MXRA8: variants seen among roughly 807,000 people sequenced by gnomAD.
MXRA8 encodes matrix remodeling associated 8.
In MXRA8, 44 loss-of-function variants were observed where a neutral mutation model predicts 51.4. That is an observed-to-expected ratio of 0.86 (90% confidence interval 0.67 to 1.10). The LOEUF (loss-of-function observed/expected upper bound fraction) is 1.10. MXRA8 is among the 50% of genes least tolerant of loss of function. MXRA8 has a pLI of 0.00. For missense variants in MXRA8, 765 were observed against 638.9 expected (o/e 1.20, Z -2.13); for synonymous variants, 369 against 293.5 (o/e 1.26, Z -2.63).
intron 5 of MXRA8, 79 bp downstream of exon 5, chr1:1,354,603 G>A (rs1644079450): frequency 6.4e-7 from 1 of 1,553,616 alleles, no homozygotes; most frequent in Non-Finnish European, 8.7e-7. Context: ...GCGGGCCTCG[G>A]GCAAGGGACA....
intron 3 of MXRA8, 29 bp downstream of exon 3, chr1:1,355,421 C>T: frequency 6.7e-7 from 1 of 1,485,040 alleles, no homozygotes; most frequent in Non-Finnish European, 8.9e-7. Context: ...CTGCCCCGAC[C>T]CCGCGGCCCC....
chr1:1,362,582 C>T (rs1440400820), upstream of MXRA8, among the ~76,000 whole-genome samples: 1 of 151,838 alleles, frequency 6.6e-6, no homozygotes, highest in Non-Finnish European at 1.5e-5. Flanking sequence ...GAGTTCAAGA[C>T]CATCCTGGCC....
At chr1:1,359,552 G>C (rs971216762), upstream of MXRA8, 1 of 985,328 alleles carries the variant, frequency 1.0e-6, no homozygotes, top group African/African-American at 1.7e-5. Context: ...GGCCCCAGCT[G>C]GGTGGGGGGC....
chr1:1,354,127 G>A (rs1261939148), intron 7 of MXRA8, 21 bp from the exon 8 acceptor site: 1 of 1,612,778 alleles, frequency 6.2e-7, no homozygotes, highest in African/African-American at 1.3e-5. Flanking sequence ...AGGGTGGGAG[G>A]AGGTTACAGC....
chr1:1,354,752 T>C lies in MXRA8; in HGVS notation c.879A>G (p.Glu293=). ...ERRVFHLTVA[E]PHAEPPPRGS... is the part of the protein sequence containing the mutation. ...CCCGGGGGGGCGGCTCCGCGTGGGG[T>C]TCGGCGACCGTCAGGTGGAAGACGC... Residue 293 remains glutamate (E), a synonymous_variant, in exon 5 of 10, where the codon GAA becomes GAG. Transcript: ENST00000309212. 3 of 1,610,426 alleles carry C rather than the reference T, an allele frequency of 1.9e-6. No individual in the cohort carries two copies. In the African/African-American group the frequency reaches 4.0e-5, roughly 21 times the overall value.
upstream of MXRA8, chr1:1,359,613 C>T (rs965289830): frequency 1.0e-6 from 1 of 978,278 alleles, no homozygotes; most frequent in Admixed American, 6.2e-5. Flanking sequence ...GTGGGAAGCC[C>T]AGTGCAGATC....
In MXRA8 at chr1:1,353,663, G is replaced by C. The variant is rs146120010; in HGVS notation, c.1304-34C>G. ...CAAGGGCGCCAACGGGTTGGCGGCT[G>C]TCCTCCACCCTCATCACAGTGGGAG... On this transcript the variant is annotated intron_variant, in intron 9 of 9. Coordinates refer to ENST00000309212, the MANE Select transcript of MXRA8 (RefSeq NM_032348.4). 8.8e-3 allele frequency: 13,631 copies of C among 1,548,974 alleles called. 84 individuals are homozygous for C. The highest frequency in any genetic ancestry group is 0.011 in the Middle Eastern group (66 of 5,954).
In MXRA8 at chr1:1,353,577, T is replaced by C. The variant is rs1234784157; in HGVS notation, c.*27A>G. On this transcript the variant is annotated 3_prime_UTR_variant, in exon 10 of 10. Transcript: ENST00000309212. ...GCACAGACAGGAGAGGTGCAGCTGC[T>C]GGCCCAGCCAGGAGCCCAGGGCCTC... The C allele has an allele frequency of 6.4e-6, 10 of 1,557,134 alleles. No homozygotes were observed. The highest frequency in any genetic ancestry group is 1.7e-6 in the Non-Finnish European group (2 of 1,150,072).
chr1:1,354,291 G>A, intron 6 of MXRA8, 59 bp from the exon 7 acceptor site: 2 of 1,600,290 alleles, frequency 1.2e-6, no homozygotes, highest in South Asian at 1.1e-5. Context: ...CCCCAGCCCA[G>A]AGGACCACCC....
At chr1:1,360,942 G>A (rs566194959), upstream of MXRA8, among the ~76,000 whole-genome samples, 43 of 150,794 alleles carry the variant, frequency 2.9e-4, no homozygotes, top group African/African-American at 8.1e-4. Context: ...ACACAGACAC[G>A]CATGCACATG....
rs771132139 is a variant in MXRA8, at chr1:1,354,956, G to T, written c.675C>A (p.Leu225=). The part of the protein sequence containing the change: ...PHDRADRLLD[L]YASGERRAYG... ...AGGCGCGGCGCTCGCCCGACGCGTA[G>T]AGGTCCAGCAGGCGGTCCGCGCGGT... Residue 225 remains leucine (L), a synonymous_variant, in exon 5 of 10, where the codon CTC becomes CTA. Coordinates refer to ENST00000309212, the MANE Select transcript of MXRA8 (RefSeq NM_032348.4). 6.2e-7 allele frequency: 1 copy of T among 1,600,448 alleles called. No homozygotes were observed.
rs150058708 is a variant in MXRA8, at chr1:1,354,066, C to T, written c.1186G>A (p.Asp396Asn). 5,380 of 1,612,968 alleles carry T rather than the reference C, an allele frequency of 3.3e-3. 10 individuals carry two copies. The highest frequency in any genetic ancestry group is 4.1e-3 in the Non-Finnish European group (4,833 of 1,179,998). The stretch of plus-strand genomic sequence containing the variant: ...TCCTCACTCCTGTAAAGCATCTGGT[C>T]CCCTGCAGCCACAGCGAACTCCGCC... ...NLAEFAVAAG[D>N]QMLYRSEDIQ... Residue 396 changes from aspartate to asparagine, a missense_variant, in exon 8 of 10, where the codon GAC becomes AAC. By Grantham distance (23) the Asp-to-Asn change is conservative. Coordinates refer to ENST00000309212, the MANE Select transcript of MXRA8 (RefSeq NM_032348.4).
chr1:1,359,297 A>C, upstream of MXRA8: 1 of 985,362 alleles, frequency 1.0e-6, no homozygotes, highest in Non-Finnish European at 1.2e-6. Flanking sequence ...GCTGGATTAC[A>C]AGCCTCCTGG....
Position 1,355,738 on chromosome 1 carries a change from CG to C in MXRA8, c.87del (p.Ala30ProfsTer13), listed in dbSNP as rs1451617066. 8.8e-6 allele frequency: 9 copies of C among 1,021,716 alleles called. No homozygotes were observed. In the African/African-American group the frequency reaches 1.9e-4, roughly 21 times the overall value. The allele number at this position is 1,021,716 out of a possible 1,614,324, so 63.3% of individuals were successfully genotyped here. ...GACACCACGGAGCTGCCAGCAGCGG[CG>C]GGTACCGAGGACCCTGGTGGGGGAG... ...AVLLHSGSSV[P>X]AAAGSSVVSE... On this transcript the variant is annotated frameshift_variant, in exon 3 of 10. Coordinates refer to ENST00000309212, the MANE Select transcript of MXRA8 (RefSeq NM_032348.4). LOFTEE classifies it high-confidence loss of function.
upstream of MXRA8, among the ~76,000 whole-genome samples, chr1:1,360,044 C>T (rs1285660307): frequency 3.3e-5 from 5 of 152,224 alleles, no homozygotes; most frequent in Admixed American, 6.5e-5. Context: ...GGAGGGAGGA[C>T]GGACAGCAGT....
At chr1:1,361,195 GAGACACACACAGACACACATGGAA>G (rs900409998), upstream of MXRA8, 60 of 703,070 alleles carry the variant, frequency 8.5e-5, no homozygotes, top group Middle Eastern at 6.8e-4. Context: ...CACAGAAACA[GAGACACACACAGACACACATGGAA>G]AGACACACAC....
Position 1,354,199 on chromosome 1 carries a change from G to A in MXRA8, c.1139C>T (p.Ser380Leu). 6.2e-7 allele frequency: 1 copy of A among 1,612,682 alleles called. No individual in the cohort carries two copies. The highest frequency in any genetic ancestry group is 8.5e-7 in the Non-Finnish European group (1 of 1,179,974). Reference sequence around the variant, plus strand: ...CCGGGAGGGGGGCACTCACCCCTTTGACTTTCCCGACTTCTGGTCCGAGTA... The same window carrying A: ...CCGGGAGGGGGGCACTCACCCCTTTAACTTTCCCGACTTCTGGTCCGAGTA... ...YEYSDQKSGK[S>L]KGKDVNLAEF... is the part of the protein sequence containing the mutation. The change falls in exon 7 of 10, where the codon TCA becomes TTA. Residue 380 changes from serine (S) to leucine (L), a missense_variant. Transcript: ENST00000309212.
rs1644059853 is a variant in MXRA8 at position 1,353,954 on chromosome 1, C to T, written c.1223-26G>A. ...CTGTGGGAGGAGAGGAGGCTGAGGT[C>T]CCCGCTCCCAGGATGCACTTCCCAG... On this transcript the variant is annotated intron_variant, in intron 8 of 9. Coordinates refer to ENST00000309212, the MANE Select transcript of MXRA8 (RefSeq NM_032348.4). 1.9e-6 allele frequency: 3 copies of T among 1,604,676 alleles called. No homozygotes were observed. The South Asian group carries it at 3.3e-5, about 18-fold the overall frequency.
chr1:1,353,369 T>C lies in MXRA8; in HGVS notation c.*235A>G. 1 of 1,545,540 alleles carries C rather than the reference T, an allele frequency of 6.5e-7. No individual in the cohort carries two copies. The highest frequency in any genetic ancestry group is 8.7e-7 in the Non-Finnish European group (1 of 1,144,208). On this transcript the variant is annotated 3_prime_UTR_variant, in exon 10 of 10. Transcript: ENST00000309212. ...ATGGGCATCAGTGGGATTTTGGTTG[T>C]GCCAGGGGTGGGCAGGGCCACCCGT...
Sources: gnomAD v4.1 joint callset for allele counts (sites outside exome capture counted in the v4.1 genomes callset) on GRCh38, gnomAD v4.1.1 for gene constraint, MANE v1.5 for transcripts, NCBI Gene and HGNC (gene_info 2026-07-23, HGNC 2026-07-21) for gene names.